Variants in SOSTDC1 observed in about 807,000 individuals in gnomAD.
SOSTDC1 encodes sclerostin domain-containing protein 1.
Under a neutral mutation model 15.1 loss-of-function variants are expected in SOSTDC1, and 7 were observed. That is an observed-to-expected ratio of 0.46 (90% CI 0.26 to 0.87). SOSTDC1 has a LOEUF of 0.87. SOSTDC1 is among the 40% of genes least tolerant of loss of function. The pLI is 0.15. For synonymous variants in SOSTDC1, 94 were observed against 93.2 expected, an observed-to-expected ratio of 1.01 and a Z score of -0.05; for missense variants, 242 against 259.2, an observed-to-expected ratio of 0.93 and a Z score of 0.46.
chr7:16,463,029 T>G, intron 1 of SOSTDC1, 66 bp from the exon 2 acceptor site: 1 of 1,453,026 alleles, frequency 6.9e-7, no homozygotes, highest in Non-Finnish European at 9.2e-7. Flanking sequence ...TAAAAAGTGA[T>G]CTGCAATGAC....
rs1258536161 is a variant in SOSTDC1 at position 16,462,804 on chromosome 7, T to A, written c.365A>T (p.Tyr122Phe). 1.2e-6 allele frequency: 2 copies of A among 1,614,068 alleles called. No homozygotes were observed. Among genetic ancestry groups the A allele is most frequent in the African/African-American group, 2.7e-5 (2 of 74,924 alleles). The change falls in exon 2 of 2, where the codon TAC becomes TTC. Residue 122 changes from tyrosine to phenylalanine, a missense_variant. Tyr to Phe is a conservative substitution (Grantham distance 22, BLOSUM62 3). Coordinates refer to ENST00000307068, the MANE Select transcript of SOSTDC1 (RefSeq NM_015464.3). ...CTCCTGGGAGCTCCTCCTGCTCCAGTACTTTGTTCCATAGCCTCCTCCAAT... is the reference window on the plus strand; with the variant it reads ...CTCCTGGGAGCTCCTCCTGCTCCAGAACTTTGTTCCATAGCCTCCTCCAAT... ...NWIGGGYGTKYWSRRSSQEWR... is the reference protein window; with the variant it reads ...NWIGGGYGTKFWSRRSSQEWR...
At chr7:16,464,081 A>G (rs11761180) in intron 1 of SOSTDC1, among the ~76,000 whole-genome samples, 75,941 of 152,070 alleles carry the variant, frequency 0.5, 20,575 homozygotes, top group Non-Finnish European at 0.61. Context: ...GTGGTTCCAC[A>G]AAAAGTACTG....
At position 16,461,574 on chromosome 7, in the gene SOSTDC1, GA is replaced by G. The variant is rs1781211415; in HGVS notation, c.*973del. On this transcript the variant is annotated 3_prime_UTR_variant, in exon 2 of 2. Transcript: ENST00000307068. ...TTAGCAGTGTTTATTTTTGTTAAAA[GA>G]AACCAATTGAATTGAAGGTCAAGAC... is the stretch of plus-strand genomic sequence containing the variant. 1 of 152,174 alleles carries G rather than the reference GA, an allele frequency of 6.6e-6. No individual in the cohort carries two copies. The highest frequency in any genetic ancestry group is 2.4e-5 in the African/African-American group (1 of 41,426). The allele number at this position is 152,174 out of a possible 1,614,324, so 9.4% of individuals were successfully genotyped here.
chr7:16,464,013 ATGTTTAAAAGTACAGGC>A (rs1463396832), intron 1 of SOSTDC1, among the ~76,000 whole-genome samples: 5 of 152,092 alleles, frequency 3.3e-5, no homozygotes, highest in African/African-American at 4.8e-5. Flanking sequence ...AAAAAAAAGG[ATGTTTAAAAGTACAGGC>A]TGCTGACATT....
At chr7:16,463,806 A>G (rs181126606) in intron 1 of SOSTDC1, among the ~76,000 whole-genome samples, 1 of 152,166 alleles carries the variant, frequency 6.6e-6, no homozygotes, top group East Asian at 1.9e-4. Flanking sequence ...GGTCATGGCA[A>G]ACTTTTTGTT....
At position 16,462,591 on chromosome 7, in the gene SOSTDC1, T is replaced by A; in HGVS notation, c.578A>T (p.Glu193Val). Residue 193 changes from glutamate to valine, a missense_variant, in exon 2 of 2, where the codon GAG becomes GTG. By Grantham distance (121) the Glu-to-Val change is moderately radical. Transcript: ENST00000307068. ...SPAKPVQHHRERKRASKSSKH... is the reference protein window; with the variant it reads ...SPAKPVQHHRVRKRASKSSKH... ...GCTGGATTTGCTGGCTCTTTTCCGC[T>A]CTCTGTGATGCTGGACTGGCTTGGC... 1 of 1,614,194 alleles carries A rather than the reference T, an allele frequency of 6.2e-7. No homozygotes were observed.
Position 16,465,492 on chromosome 7 carries a change from A to T in SOSTDC1, c.177T>A (p.His59Gln), listed in dbSNP as rs199505711. The stretch of plus-strand genomic sequence containing the variant: ...TCCGATCCAGTCCAGTGTTACTGAA[A>T]TGCCTGCCTCCATTTCTGGCTTGAT... ...TLNQARNGGR[H>Q]FSNTGLDRNT... Residue 59 changes from histidine (H) to glutamine (Q), a missense_variant, in exon 1 of 2, where the codon CAT becomes CAA. By Grantham distance (24) the His-to-Gln change is conservative. Coordinates refer to ENST00000307068, the MANE Select transcript of SOSTDC1 (RefSeq NM_015464.3). 6.2e-6 allele frequency: 10 copies of T among 1,614,002 alleles called. No individual in the cohort carries two copies. The highest frequency in any genetic ancestry group is 6.8e-6 in the Non-Finnish European group (8 of 1,180,004).
chr7:16,465,383 C>T (rs1007906606), intron 1 of SOSTDC1, 81 bp downstream of exon 1: 9 of 1,218,524 alleles, frequency 7.4e-6, no homozygotes, highest in African/African-American at 6.0e-5. Context: ...AGGTTAGTTA[C>T]CAATAAAACA....
At position 16,462,960 on chromosome 7, in the gene SOSTDC1, C is replaced by T. The variant is rs755457276; in HGVS notation, c.209G>A (p.Arg70Gln). 3.8e-5 allele frequency: 59 copies of T among 1,538,838 alleles called. No homozygotes were observed. The highest frequency in any genetic ancestry group is 1.6e-4 in the East Asian group (7 of 43,692). The change falls in exon 2 of 2, where the codon CGG (arginine) becomes CAG (glutamine). Residue 70 changes from arginine (R) to glutamine (Q), a missense_variant. Transcript: ENST00000307068. ...CAGTTCCCGGCAACCCACTTGAACCCGAGCTGCAGGAAACAAAAAAGAATG... is the reference window on the plus strand; with the variant it reads ...CAGTTCCCGGCAACCCACTTGAACCTGAGCTGCAGGAAACAAAAAAGAATG... ...FSNTGLDRNTRVQVGCRELRS... is the reference protein window; with the variant it reads ...FSNTGLDRNTQVQVGCRELRS...
rs1025564842 is a variant in SOSTDC1, at chr7:16,462,394, G to C, written c.*154C>G. Reference sequence around the variant, plus strand: ...AAAAGGAAAAACTATTCCCAAAGAAGGTCCTGATACTTAAGACAGCTTGCT... The same window carrying C: ...AAAAGGAAAAACTATTCCCAAAGAACGTCCTGATACTTAAGACAGCTTGCT... On this transcript the variant is annotated 3_prime_UTR_variant, in exon 2 of 2. Transcript: ENST00000307068. 1.3e-6 allele frequency: 1 copy of C among 743,470 alleles called. No homozygotes were observed. Among genetic ancestry groups the C allele is most frequent in the Admixed American group, 2.8e-5 (1 of 35,616 alleles). 46.1% of individuals were successfully genotyped at this position (743,470 alleles called of 1,614,324 possible). A position where few individuals can be genotyped will look rare whatever the true frequency, so the allele number is the denominator to read the frequency against.
At chr7:16,464,011 G>C (rs1057213923) in intron 1 of SOSTDC1, among the ~76,000 whole-genome samples, 10 of 151,472 alleles carry the variant, frequency 6.6e-5, no homozygotes, top group Admixed American at 1.3e-4. Flanking sequence ...AAAAAAAAAA[G>C]GATGTTTAAA....
At chr7:16,464,522 A>C (rs998374531) in intron 1 of SOSTDC1, 29 of 642,390 alleles carry the variant, frequency 4.5e-5, no homozygotes, top group Admixed American at 6.9e-5. Flanking sequence ...GAAAGTTAAA[A>C]CATCCTAGCT....
intron 1 of SOSTDC1, chr7:16,464,303 GCCTC>G (rs1781259402): frequency 1.3e-6 from 2 of 1,542,366 alleles, no homozygotes; most frequent in East Asian, 4.9e-5. Context: ...GCCTGATTCT[GCCTC>G]CAGCTCACCT....
In SOSTDC1 at chr7:16,462,561, T is replaced by C. The variant is rs773342048; in HGVS notation, c.608A>G (p.His203Arg). ...GGAGTCTGAGTTCTAACTCATGCTG[T>C]GCTTGCTGGATTTGCTGGCTCTTTT... Reference protein sequence around the residue: ...ERKRASKSSKHSMS With the variant: ...ERKRASKSSKRSMS The change falls in exon 2 of 2, where the codon CAC becomes CGC. Residue 203 changes from histidine to arginine, a missense_variant. Coordinates refer to ENST00000307068, the MANE Select transcript of SOSTDC1 (RefSeq NM_015464.3). 4.3e-6 allele frequency: 7 copies of C among 1,614,024 alleles called. No individual in the cohort carries two copies. The South Asian group carries it at 6.6e-5, about 15-fold the overall frequency.
At chr7:16,465,156 C>G (rs1379011015) in intron 1 of SOSTDC1, among the ~76,000 whole-genome samples, 1 of 152,092 alleles carries the variant, frequency 6.6e-6, no homozygotes, top group African/African-American at 2.4e-5. Context: ...TAAAACAATA[C>G]TTTTTAAAAT....
At position 16,462,914 on chromosome 7, in the gene SOSTDC1, A is replaced by G; in HGVS notation, c.255T>C (p.Ser85=). 6.2e-7 allele frequency: 1 copy of G among 1,607,350 alleles called. No individual in the cohort carries two copies. Among genetic ancestry groups the G allele is most frequent in the Non-Finnish European group, 8.5e-7 (1 of 1,175,092 alleles). Residue 85 remains serine, a synonymous_variant, in exon 2 of 2, where the codon TCT becomes TCC. Transcript: ENST00000307068. ...CRELRSTKYI[S]DGQCTSISPL... ...GGCTGATGCTGGTGCACTGGCCATC[A>G]GAGATGTATTTGGTGGAACGCAGTT...
rs1781221636 is a variant in SOSTDC1, at chr7:16,462,252, C to G, written c.*296G>C. The stretch of plus-strand genomic sequence containing the variant: ...TTTTCTGTTTTAAAATATAATGATT[C>G]ACTGATGTTTATAGTATCAACAGTC... On this transcript the variant is annotated 3_prime_UTR_variant, in exon 2 of 2. Coordinates refer to ENST00000307068, the MANE Select transcript of SOSTDC1 (RefSeq NM_015464.3). 1.1e-5 allele frequency: 3 copies of G among 280,498 alleles called. No individual in the cohort carries two copies. Among genetic ancestry groups the G allele is most frequent in the African/African-American group, 4.3e-5 (2 of 46,344 alleles). 17.4% of individuals were successfully genotyped at this position (280,498 alleles called of 1,614,324 possible).
Position 16,462,773 on chromosome 7 carries a change from C to T in SOSTDC1, c.396G>A (p.Arg132=). 1 of 1,614,180 alleles carries T rather than the reference C, an allele frequency of 6.2e-7. No homozygotes were observed. Among genetic ancestry groups the T allele is most frequent in the Non-Finnish European group, 8.5e-7 (1 of 1,180,038 alleles). The part of the protein sequence containing the change: ...YWSRRSSQEW[R]CVNDKTRTQR... Reference sequence around the variant, plus strand: ...GGGTACGGGTTTTGTCATTGACACACCGCCACTCCTGGGAGCTCCTCCTGC... The same window carrying T: ...GGGTACGGGTTTTGTCATTGACACATCGCCACTCCTGGGAGCTCCTCCTGC... The change falls in exon 2 of 2, where the codon CGG becomes CGA. Residue 132 remains arginine (R), a synonymous_variant. Transcript: ENST00000307068.
intron 1 of SOSTDC1, chr7:16,464,449 C>T (rs1781262414): frequency 9.0e-7 from 1 of 1,108,538 alleles, no homozygotes; most frequent in Admixed American, 2.0e-5. Context: ...ATACCCACCA[C>T]ATTGCTCAGT....
Sources: gnomAD v4.1 joint callset for allele counts (sites outside exome capture counted in the v4.1 genomes callset) on GRCh38, gnomAD v4.1.1 for gene constraint, MANE v1.5 for transcripts, NCBI Gene and HGNC (gene_info 2026-07-23, HGNC 2026-07-21) for gene names.